CADM2: variants seen among roughly 807,000 people sequenced by gnomAD.
CADM2 encodes immunoglobulin superfamily member 4D.
Under a neutral mutation model 49.8 loss-of-function variants are expected in CADM2, and 12 were observed. The observed-to-expected ratio is 0.24, with a 90% CI of 0.15 to 0.39. The LOEUF is 0.39. CADM2 is among the 10% of genes least tolerant of loss of function. The pLI is 1.00. For missense variants in CADM2, 378 were observed against 492.3 expected (o/e 0.77, Z 2.20); for synonymous variants, 214 against 175.4 (o/e 1.22, Z -1.74).
chr3:85,147,273 C>T, intron 1 of CADM2, among the ~76,000 whole-genome samples: 1 of 63,990 alleles, frequency 1.6e-5, no homozygotes, highest in Admixed American at 2.8e-4. Flanking sequence ...CAGACTCTGT[C>T]TCAAAAAAAA....
chr3:85,031,624 C>T (rs1159304560), intron 1 of CADM2, among the ~76,000 whole-genome samples: 1 of 152,174 alleles, frequency 6.6e-6, no homozygotes, highest in African/African-American at 2.4e-5. Flanking sequence ...ACGCCACTCT[C>T]CTGCCTCAGC....
intron 5 of CADM2, among the ~76,000 whole-genome samples, chr3:85,888,711 T>C (rs1714014762): frequency 6.6e-6 from 1 of 152,180 alleles, no homozygotes; most frequent in African/African-American, 2.4e-5. Flanking sequence ...ATATATTTTA[T>C]TTTTGTAAGT....
chr3:85,186,418 T>C (rs369311699), intron 1 of CADM2, among the ~76,000 whole-genome samples: 21 of 152,182 alleles, frequency 1.4e-4, no homozygotes, highest in African/African-American at 4.8e-4. Flanking sequence ...TTCTTATTTT[T>C]GTAAAGTATT....
intron 8 of CADM2, among the ~76,000 whole-genome samples, chr3:85,978,509 G>C (rs968722020): frequency 2.6e-5 from 4 of 151,390 alleles, no homozygotes; most frequent in Non-Finnish European, 5.9e-5. Flanking sequence ...AAGACTCCTA[G>C]GTACTGCAAA....
intron 1 of CADM2, among the ~76,000 whole-genome samples, chr3:85,087,361 A>T (rs2037419454): frequency 6.6e-6 from 1 of 152,192 alleles, no homozygotes; most frequent in African/African-American, 2.4e-5. Flanking sequence ...TCATGTAAAC[A>T]ATATTATGTA....
intron 1 of CADM2, among the ~76,000 whole-genome samples, chr3:85,495,283 A>G (rs2039841596): frequency 6.6e-6 from 1 of 152,180 alleles, no homozygotes. Flanking sequence ...TCTGTGATTG[A>G]TGATCTGCAT....
At chr3:84,994,049 A>C (rs188358111) in intron 1 of CADM2, among the ~76,000 whole-genome samples, 8 of 152,172 alleles carry the variant, frequency 5.3e-5, no homozygotes, top group Non-Finnish European at 1.2e-4. Flanking sequence ...AAATGTGAAT[A>C]GGATGTTTCA....
chr3:85,812,714 G>C (rs531588224), intron 3 of CADM2, among the ~76,000 whole-genome samples: 5 of 151,876 alleles, frequency 3.3e-5, no homozygotes, highest in African/African-American at 9.7e-5. Flanking sequence ...CCCACACCCT[G>C]ACAGGCCTCA....
At chr3:85,842,176 A>T (rs1423750641) in intron 3 of CADM2, among the ~76,000 whole-genome samples, 2 of 152,042 alleles carry the variant, frequency 1.3e-5, no homozygotes, top group Non-Finnish European at 2.9e-5. Context: ...CCAGAGTAAA[A>T]CAAATCAGCA....
intron 1 of CADM2, among the ~76,000 whole-genome samples, chr3:85,404,411 T>C (rs777695908): frequency 2.0e-5 from 3 of 152,136 alleles, no homozygotes; most frequent in Non-Finnish European, 4.4e-5. Context: ...TGATTGGGTA[T>C]TTTAATGAAC....
chr3:85,040,456 G>A (rs1031787240), intron 1 of CADM2, among the ~76,000 whole-genome samples: 2 of 151,824 alleles, frequency 1.3e-5, no homozygotes, highest in Non-Finnish European at 1.5e-5. Flanking sequence ...GCAGATTAGC[G>A]TCTGAAACTG....
intron 8 of CADM2, chr3:85,979,433 G>A (rs530682444): frequency 4.2e-5 from 34 of 814,322 alleles, no homozygotes; most frequent in Non-Finnish European, 5.5e-5. Context: ...AGGGTTATTG[G>A]AATAGAATAT....
intron 6 of CADM2, among the ~76,000 whole-genome samples, chr3:85,925,876 G>C (rs1171590978): frequency 6.6e-6 from 1 of 152,090 alleles, no homozygotes; most frequent in Non-Finnish European, 1.5e-5. Context: ...AGTGGCTCAC[G>C]CCTGTAATCC....
intron 1 of CADM2, among the ~76,000 whole-genome samples, chr3:85,282,778 A>G (rs960883774): frequency 6.6e-6 from 1 of 152,050 alleles, no homozygotes; most frequent in Non-Finnish European, 1.5e-5. Flanking sequence ...TAATACCTAA[A>G]ATATATAAGA....
intron 3 of CADM2, among the ~76,000 whole-genome samples, chr3:85,841,392 A>T (rs1239838839): frequency 6.6e-6 from 1 of 151,890 alleles, no homozygotes; most frequent in Non-Finnish European, 1.5e-5. Context: ...CTATATTTTA[A>T]GAAGCTTAAA....
At chr3:85,942,943 T>A (rs1430247337) in intron 7 of CADM2, among the ~76,000 whole-genome samples, 1 of 152,116 alleles carries the variant, frequency 6.6e-6, no homozygotes, top group Non-Finnish European at 1.5e-5. Context: ...TAGTTCACAG[T>A]CCCACCAACA....
At chr3:85,663,349 T>A (rs1577043108) in intron 1 of CADM2, among the ~76,000 whole-genome samples, 2 of 152,006 alleles carry the variant, frequency 1.3e-5, no homozygotes, top group Admixed American at 1.3e-4. Context: ...CCTATCATAT[T>A]CCCACTCAGC....
chr3:85,046,057 G>C (rs1411571251), intron 1 of CADM2, among the ~76,000 whole-genome samples: 1 of 152,030 alleles, frequency 6.6e-6, no homozygotes, highest in Non-Finnish European at 1.5e-5. Flanking sequence ...ATTGTATGTA[G>C]CGGTTTATGC....
intron 8 of CADM2, chr3:86,013,963 T>C (rs1309214507): frequency 1.3e-6 from 2 of 1,534,330 alleles, no homozygotes; most frequent in Non-Finnish European, 1.8e-6. Context: ...GTACCTGTTA[T>C]GGGAGTATCT....
Sources: gnomAD v4.1 joint callset for allele counts (sites outside exome capture counted in the v4.1 genomes callset) on GRCh38, gnomAD v4.1.1 for gene constraint, MANE v1.5 for transcripts, NCBI Gene and HGNC (gene_info 2026-07-23, HGNC 2026-07-21) for gene names.